The following ANAPC4 variants were observed in gnomAD, a reference collection of about 807,000 sequenced individuals.
The protein encoded by ANAPC4 is anaphase promoting complex subunit 4.
Under a neutral mutation model 119.8 loss-of-function variants are expected in ANAPC4, and 63 were observed. The ratio of observed to expected loss-of-function variants is 0.53; its 90% confidence interval spans 0.43 to 0.65. The LOEUF is 0.65. Among genes scored for constraint, ANAPC4 ranks in the 30% least tolerant of loss-of-function variants. The pLI is 0.00. For missense variants in ANAPC4, 716 were observed against 945.1 expected, an observed-to-expected ratio of 0.76 and a Z score of 3.18; for synonymous variants, 283 against 318.6, an observed-to-expected ratio of 0.89 and a Z score of 1.19.
chr4:25,415,794 G>A, intron 26 of ANAPC4: 1 of 343,708 alleles, frequency 2.9e-6, no homozygotes, highest in Non-Finnish European at 5.2e-6. Context: ...TGTTGACAAA[G>A]AAAGTAATGT....
intron 16 of ANAPC4, among the ~76,000 whole-genome samples, chr4:25,401,213 T>TCA (rs1186022927): frequency 2.2e-4 from 34 of 152,300 alleles, no homozygotes; most frequent in Non-Finnish European, 4.0e-4. Flanking sequence ...CTTGCAAGGT[T>TCA]TCTTTAAATA....
rs755552611 is a variant in ANAPC4 at position 25,394,883 on chromosome 4, T to C, written c.1039T>C (p.Leu347=). The change falls in exon 14 of 29, where the codon TTG becomes CTG. Residue 347 remains leucine (L), a synonymous_variant. Coordinates refer to ENST00000315368, the MANE Select transcript of ANAPC4 (RefSeq NM_013367.3). ...GTCATCATACTCCAGTATACAAAAA[T>C]TGGTCATAAGTCATTTACAGAGGTA... ...IESSYSSIQK[L]VISHLQSGSE... is the part of the protein sequence containing the mutation. 5.6e-6 allele frequency: 9 copies of C among 1,613,314 alleles called. No homozygotes were observed. Among genetic ancestry groups the C allele is most frequent in the African/African-American group, 1.3e-5 (1 of 74,912 alleles).
At chr4:25,400,549 T>C (rs1171775310) in intron 16 of ANAPC4, among the ~76,000 whole-genome samples, 1 of 152,014 alleles carries the variant, frequency 6.6e-6, no homozygotes, top group African/African-American at 2.4e-5. Flanking sequence ...CAGCAGGAGA[T>C]CGAGTGCACT....
Position 25,377,510 on chromosome 4 carries a change from G to T in ANAPC4, c.83G>T (p.Trp28Leu). 1 of 1,613,806 alleles carries T rather than the reference G, an allele frequency of 6.2e-7. No homozygotes were observed. Among genetic ancestry groups the T allele is most frequent in the Non-Finnish European group, 8.5e-7 (1 of 1,179,950 alleles). ...CCGCAGGAGATTATTTTCCTGGTCT[G>T]GTCGCCCAAGCGGGATCTCATTGCT... ...QLPQEIIFLVWSPKRDLIALA... is the reference protein window; with the variant it reads ...QLPQEIIFLVLSPKRDLIALA... The change falls in exon 2 of 29, where the codon TGG becomes TTG. Residue 28 changes from tryptophan to leucine, a missense_variant. Physicochemically the swap from Trp to Leu is moderately conservative, Grantham distance 61. Coordinates refer to ENST00000315368, the MANE Select transcript of ANAPC4 (RefSeq NM_013367.3).
chr4:25,406,074 A>G (rs1039443440), intron 18 of ANAPC4, among the ~76,000 whole-genome samples: 5 of 152,188 alleles, frequency 3.3e-5, no homozygotes, highest in African/African-American at 1.2e-4. Flanking sequence ...GTCTTACGGA[A>G]TAGGGCAGAA....
chr4:25,394,305 T>G lies in ANAPC4; in HGVS notation c.877-5T>G. 1 of 1,577,348 alleles carries G rather than the reference T, an allele frequency of 6.3e-7. No individual in the cohort carries two copies. The highest frequency in any genetic ancestry group is 2.3e-5 in the East Asian group (1 of 43,386). On this transcript the variant is annotated splice_polypyrimidine_tract_variant and splice_region_variant and intron_variant, in intron 11 of 28. Transcript: ENST00000315368. ...TATCACAATTTTTTTTTCACTTTTT[T>G]CCAGGAAAAGAACACAACCACATCA...
chr4:25,409,703 G>C lies in ANAPC4; in HGVS notation c.1437G>C (p.Leu479Phe). Residue 479 changes from leucine (L) to phenylalanine (F), a missense_variant, in exon 21 of 29, where the codon TTG becomes TTC. By Grantham distance (22) the Leu-to-Phe change is conservative. Coordinates refer to ENST00000315368, the MANE Select transcript of ANAPC4 (RefSeq NM_013367.3). ...YFNVERVGQY[L>F]KDEDDDLVSP... is the part of the protein sequence containing the mutation. ...TTCTAATTCTGTATTTCTAGTACTT[G>C]AAAGATGAAGATGATGATCTTGTGT... 1 of 1,607,396 alleles carries C rather than the reference G, an allele frequency of 6.2e-7. No homozygotes were observed. Among genetic ancestry groups the C allele is most frequent in the Non-Finnish European group, 8.5e-7 (1 of 1,175,128 alleles).
chr4:25,414,849 G>A, intron 25 of ANAPC4, 149 bp downstream of exon 25: 7 of 722,810 alleles, frequency 9.7e-6, no homozygotes, highest in Non-Finnish European at 1.4e-5. Flanking sequence ...TCATTAAAAG[G>A]GTAACACTGA....
At chr4:25,398,405 T>C (rs1722771739) in intron 16 of ANAPC4, among the ~76,000 whole-genome samples, 1 of 152,108 alleles carries the variant, frequency 6.6e-6, no homozygotes, top group Non-Finnish European at 1.5e-5. Context: ...GAGCAAGCCC[T>C]GTTGATATTT....
At chr4:25,404,609 C>CAG (rs2109135166) in intron 17 of ANAPC4, among the ~76,000 whole-genome samples, 1 of 152,154 alleles carries the variant, frequency 6.6e-6, no homozygotes, top group Admixed American at 6.5e-5. Flanking sequence ...CACTGTGGTA[C>CAG]TCTTATTCAG....
At position 25,413,725 on chromosome 4, in the gene ANAPC4, T is replaced by C. The variant is rs1723705108; in HGVS notation, c.1606T>C (p.Cys536Arg). The C allele has an allele frequency of 1.2e-6, 2 of 1,612,824 alleles. No homozygotes were observed. The highest frequency in any genetic ancestry group is 1.7e-6 in the Non-Finnish European group (2 of 1,179,384). ...GCGGATGGAGAATATTATTGATCAG[T>C]GTTTGCAAAAGCCAGCAGTAAGTTT... ...KRRMENIIDQ[C>R]LQKPADVIGK... is the part of the protein sequence containing the mutation. Residue 536 changes from cysteine to arginine, a missense_variant, in exon 22 of 29, where the codon TGT becomes CGT. Coordinates refer to ENST00000315368, the MANE Select transcript of ANAPC4 (RefSeq NM_013367.3).
rs560141113 is a variant in ANAPC4 at position 25,381,685 on chromosome 4, C to T, written c.235+1206C>T. Among the ~76,000 whole-genome samples, 4 of 152,194 alleles carry T rather than the reference C, an allele frequency of 2.6e-5. No individual in the cohort carries two copies. In the East Asian group the frequency reaches 7.7e-4, roughly 29 times the overall value. On this transcript the variant is annotated intron_variant, in intron 3 of 28. Transcript: ENST00000315368. ...ATTCCCTAGGTGGGGCATGGTGGCTCACGCCTGTAATCCCAGCACTTTGGG... is the reference window on the plus strand; with the variant it reads ...ATTCCCTAGGTGGGGCATGGTGGCTTACGCCTGTAATCCCAGCACTTTGGG...
chr4:25,394,888 C>G lies in ANAPC4; in HGVS notation c.1044C>G (p.Val348=), dbSNP rs768162801. The G allele has an allele frequency of 1.1e-5, 18 of 1,612,970 alleles. No individual in the cohort carries two copies. Among genetic ancestry groups the G allele is most frequent in the Non-Finnish European group, 1.4e-5 (17 of 1,179,568 alleles). The change falls in exon 14 of 29, where the codon GTC becomes GTG. Residue 348 remains valine, a synonymous_variant. Transcript: ENST00000315368. The part of the protein sequence containing the change: ...ESSYSSIQKL[V]ISHLQSGSES... Reference sequence around the variant, plus strand: ...CATACTCCAGTATACAAAAATTGGTCATAAGTCATTTACAGAGGTATGAAG... The same window carrying G: ...CATACTCCAGTATACAAAAATTGGTGATAAGTCATTTACAGAGGTATGAAG...
intron 4 of ANAPC4, among the ~76,000 whole-genome samples, chr4:25,384,566 G>T (rs917348222): frequency 6.6e-6 from 1 of 152,204 alleles, no homozygotes; most frequent in Non-Finnish European, 1.5e-5. Context: ...AGCAGCTCAT[G>T]CCTGTAATCC....
chr4:25,377,543 AC>A lies in ANAPC4; in HGVS notation c.117del (p.Asn39LysfsTer30). ...SPKRDLIALA[N>X]TAGEVLLHRL... The stretch of plus-strand genomic sequence containing the variant: ...AAGCGGGATCTCATTGCTTTGGCCA[AC>A]ACAGCTGGCGAGGTGAGTGAGCCGG... On this transcript the variant is annotated frameshift_variant, in exon 2 of 29. Transcript: ENST00000315368. LOFTEE classifies it high-confidence loss of function. The A allele has an allele frequency of 6.2e-7, 1 of 1,612,282 alleles. No homozygotes were observed. Among genetic ancestry groups the A allele is most frequent in the Non-Finnish European group, 8.5e-7 (1 of 1,179,560 alleles).
chr4:25,380,294 A>T (rs945112275), intron 2 of ANAPC4, 80 bp from the exon 3 acceptor site: 2 of 1,122,504 alleles, frequency 1.8e-6, no homozygotes, highest in East Asian at 2.5e-5. Flanking sequence ...ATTTAAAAAA[A>T]TTTTTAGTAG....
At chr4:25,392,925 G>T (rs1577380105) in intron 10 of ANAPC4, among the ~76,000 whole-genome samples, 1 of 152,172 alleles carries the variant, frequency 6.6e-6, no homozygotes, top group Non-Finnish European at 1.5e-5. Flanking sequence ...GCACAGGCTT[G>T]TCCACATGGT....
At chr4:25,391,103 AATG>A in intron 9 of ANAPC4, 88 bp downstream of exon 9, 1 of 1,008,428 alleles carries the variant, frequency 9.9e-7, no homozygotes, top group Non-Finnish European at 1.5e-6. Context: ...ACTGTATTGT[AATG>A]ATCATTAAAA....
Position 25,416,598 on chromosome 4 carries a change from G to T in ANAPC4, c.2075G>T (p.Arg692Met). ...EYQFTGTYST[R>M]LDEQCSAIPT... ...CAGTTCACTGGGACTTATTCTACAA[G>T]GTAACTAGTAACATTGTCTTTCTGA... Residue 692 changes from arginine (R) to methionine (M), a missense_variant and splice_region_variant, in exon 27 of 29, where the codon AGG becomes ATG. Arg to Met is a moderately conservative substitution (Grantham distance 91). Transcript: ENST00000315368. The T allele has an allele frequency of 6.6e-7, 1 of 1,513,070 alleles. No homozygotes were observed. Among genetic ancestry groups the T allele is most frequent in the Non-Finnish European group, 8.9e-7 (1 of 1,119,118 alleles). The allele number at this position is 1,513,070 out of a possible 1,614,324, so 93.7% of individuals were successfully genotyped here.
Sources: gnomAD v4.1 joint callset for allele counts (sites outside exome capture counted in the v4.1 genomes callset) on GRCh38, gnomAD v4.1.1 for gene constraint, MANE v1.5 for transcripts, NCBI Gene and HGNC (gene_info 2026-07-23, HGNC 2026-07-21) for gene names.